The following C12orf42 variants were observed in gnomAD, a reference collection of about 807,000 sequenced individuals.
C12orf42 encodes uncharacterized protein C12orf42.
C12orf42 carries 25 observed loss-of-function variants against 21.6 expected under a neutral mutation model. That is an observed-to-expected ratio of 1.16 (90% CI 0.84 to 1.62). The LOEUF (loss-of-function observed/expected upper bound fraction) is 1.62, where lower values mean the gene tolerates loss of function less well. C12orf42 is among the 40% of genes most tolerant of loss of function. The pLI is 0.00. For missense variants in C12orf42, 483 were observed against 459.3 expected, an observed-to-expected ratio of 1.05 and a Z score of -0.47; for synonymous variants, 174 against 175.0, an observed-to-expected ratio of 0.99 and a Z score of 0.05.
At chr12:103,380,765 T>C (rs2046096132) in intron 3 of C12orf42, among the ~76,000 whole-genome samples, 1 of 152,228 alleles carries the variant, frequency 6.6e-6, no homozygotes, top group Non-Finnish European at 1.5e-5. Context: ...ATTGAGTACC[T>C]GCTACAGACC....
chr12:103,495,109 T>A (rs903315487), intron 1 of C12orf42, among the ~76,000 whole-genome samples: 1 of 151,412 alleles, frequency 6.6e-6, no homozygotes, highest in Non-Finnish European at 1.5e-5. Context: ...CAAGATTCAA[T>A]ATTAAATGCC....
At chr12:103,125,987 CAG>C in the C12orf42 span, among the ~76,000 whole-genome samples, 3 of 152,156 alleles carry the variant, frequency 2.0e-5, no homozygotes, top group African/African-American at 7.2e-5. Context: ...TGCCCTAACT[CAG>C]AGTTACTATG....
At chr12:103,350,916 A>G (rs1319879864) in intron 4 of C12orf42, among the ~76,000 whole-genome samples, 1 of 152,028 alleles carries the variant, frequency 6.6e-6, no homozygotes, top group Non-Finnish European at 1.5e-5. Flanking sequence ...AATTACTGAG[A>G]CTTTTTTTTT....
intron 2 of C12orf42, among the ~76,000 whole-genome samples, chr12:103,410,634 G>A (rs927536931): frequency 6.6e-6 from 1 of 152,188 alleles, no homozygotes; most frequent in Non-Finnish European, 1.5e-5. Context: ...GCCTTGGAAA[G>A]AGCTGCCAGA....
intron 2 of C12orf42, among the ~76,000 whole-genome samples, chr12:103,456,967 G>A (rs1952339252): frequency 6.6e-6 from 1 of 152,058 alleles, no homozygotes. Flanking sequence ...GGATCATGAA[G>A]ATTATTTGAT....
the C12orf42 span, among the ~76,000 whole-genome samples, chr12:103,532,311 C>A: frequency 6.6e-6 from 1 of 152,072 alleles, no homozygotes; most frequent in Non-Finnish European, 1.5e-5. Flanking sequence ...GATGGGAAAA[C>A]GTTTATAACA....
At chr12:103,182,801 T>C in the C12orf42 span, among the ~76,000 whole-genome samples, 1 of 152,232 alleles carries the variant, frequency 6.6e-6, no homozygotes, top group Non-Finnish European at 1.5e-5. Flanking sequence ...TATCTCCCAA[T>C]AGCAACATTT....
chr12:103,126,900 T>C, the C12orf42 span, among the ~76,000 whole-genome samples: 1 of 152,066 alleles, frequency 6.6e-6, no homozygotes, highest in African/African-American at 2.4e-5. Context: ...GGCATCCAAA[T>C]GAAAATAAGC....
chr12:103,540,491 A>G, the C12orf42 span, among the ~76,000 whole-genome samples: 1 of 152,176 alleles, frequency 6.6e-6, no homozygotes, highest in Admixed American at 6.5e-5. Flanking sequence ...CTAGGCGAAT[A>G]CACCTTTAGA....
chr12:103,550,916 C>T, the C12orf42 span, among the ~76,000 whole-genome samples: 4 of 151,692 alleles, frequency 2.6e-5, no homozygotes, highest in Non-Finnish European at 5.9e-5. Flanking sequence ...CAATTTTTGC[C>T]CTTAATTATA....
intron 2 of C12orf42, among the ~76,000 whole-genome samples, chr12:103,458,127 C>T (rs1952438630): frequency 6.6e-6 from 1 of 152,182 alleles, no homozygotes; most frequent in Non-Finnish European, 1.5e-5. Flanking sequence ...TCTCCAAGCA[C>T]ATCCATGCAT....
chr12:103,507,230 T>TATATA, the C12orf42 span, among the ~76,000 whole-genome samples: 27 of 48,864 alleles, frequency 5.5e-4, 2 homozygotes, highest in African/African-American at 1.3e-3. Context: ...TAAATATAAA[T>TATATA]ATATATATAT....
the C12orf42 span, among the ~76,000 whole-genome samples, chr12:103,143,705 A>T: frequency 2.6e-5 from 4 of 152,234 alleles, no homozygotes; most frequent in Admixed American, 6.5e-5. Context: ...CTCTAATAGG[A>T]GAACAAGACT....
chr12:103,357,307 T>TA (rs2043676544), intron 4 of C12orf42, among the ~76,000 whole-genome samples: 1 of 151,210 alleles, frequency 6.6e-6, no homozygotes, highest in South Asian at 2.1e-4. Flanking sequence ...AATAATAAAA[T>TA]AAAAAATAAT....
chr12:103,294,868 A>C (rs188140845), intron 4 of C12orf42, among the ~76,000 whole-genome samples: 1 of 152,222 alleles, frequency 6.6e-6, no homozygotes, highest in African/African-American at 2.4e-5. Flanking sequence ...GGTATTAGGC[A>C]TAATAGTACC....
chr12:103,524,692 G>C, the C12orf42 span, among the ~76,000 whole-genome samples: 5 of 152,192 alleles, frequency 3.3e-5, no homozygotes, highest in African/African-American at 1.2e-4. Context: ...TGGCAAGGTA[G>C]CCCATGATGA....
chr12:103,233,296 G>A (rs1448773826), downstream of C12orf42, among the ~76,000 whole-genome samples: 3 of 152,032 alleles, frequency 2.0e-5, no homozygotes, highest in Non-Finnish European at 4.4e-5. Context: ...GTATCATGCG[G>A]GCTATTTTGC....
At chr12:103,130,389 T>G in the C12orf42 span, among the ~76,000 whole-genome samples, 1 of 151,008 alleles carries the variant, frequency 6.6e-6, no homozygotes, top group Non-Finnish European at 1.5e-5. Flanking sequence ...TAATCATCAT[T>G]CTAATAAAAG....
chr12:103,558,441 G>T, the C12orf42 span: 2 of 152,166 alleles, frequency 1.3e-5, no homozygotes, highest in Non-Finnish European at 2.9e-5. Flanking sequence ...GCCTGTCCAG[G>T]CCTTTGTGCT....
Sources: gnomAD v4.1 joint callset for allele counts (sites outside exome capture counted in the v4.1 genomes callset) on GRCh38, gnomAD v4.1.1 for gene constraint, MANE v1.5 for transcripts, NCBI Gene and HGNC (gene_info 2026-07-23, HGNC 2026-07-21) for gene names.